Variants in STK3 observed in about 807,000 individuals in gnomAD.
STK3 encodes the protein serine/threonine-protein kinase 3.
STK3 carries 41 observed loss-of-function variants against 58.0 expected under a neutral mutation model. The ratio of observed to expected loss-of-function variants is 0.71; its 90% confidence interval spans 0.55 to 0.92. The LOEUF (loss-of-function observed/expected upper bound fraction) is 0.92. Ranked by LOEUF, STK3 falls within the 40% of genes least tolerant of loss-of-function variation. The pLI is 0.00. For missense variants in STK3, 479 were observed against 602.7 expected (o/e 0.79, Z 2.15); for synonymous variants, 170 against 191.0 (o/e 0.89, Z 0.91).
intron 1 of STK3, chr8:98,439,008 G>A (rs1288787828): frequency 6.6e-6 from 1 of 152,150 alleles, no homozygotes; most frequent in Admixed American, 6.6e-5. Flanking sequence ...CTTCCACAGA[G>A]AGGCTTTCTC....
chr8:98,697,142 C>T (rs972366877), intron 6 of STK3, among the ~76,000 whole-genome samples: 3 of 152,172 alleles, frequency 2.0e-5, no homozygotes, highest in African/African-American at 7.2e-5. Context: ...AGTTTATTTG[C>T]ATAGAGGTGT....
chr8:98,904,277 A>T (rs535041798), intron 1 of STK3, among the ~76,000 whole-genome samples: 1 of 152,240 alleles, frequency 6.6e-6, no homozygotes, highest in East Asian at 1.9e-4. Context: ...GAAGTATTCA[A>T]CTCCTAGGGA....
chr8:98,716,261 G>A (rs935203955), intron 4 of STK3, among the ~76,000 whole-genome samples: 2 of 151,994 alleles, frequency 1.3e-5, no homozygotes, highest in African/African-American at 2.4e-5. Flanking sequence ...TTGTGCACAT[G>A]TACCCTAAAA....
intron 6 of STK3, among the ~76,000 whole-genome samples, chr8:98,620,700 A>G (rs1419168225): frequency 5.9e-5 from 9 of 151,608 alleles, no homozygotes; most frequent in Non-Finnish European, 1.3e-4. Context: ...AGAAATCAAT[A>G]CAATTTAAAA....
chr8:98,455,911 T>C lies in STK3; in HGVS notation c.1407A>G (p.Arg469=). The change falls in exon 11 of 11, where the codon AGA becomes AGG. Residue 469 remains arginine (R), a synonymous_variant. Transcript: ENST00000419617. ...GAATGGGCTGTCTTTTCGCAGTGTA[T>C]CTCTGACGAAGTTCTTCTATCTCCC... ...MEREIEELRQ[R]YTAKRQPILD... The C allele has an allele frequency of 1.2e-6, 2 of 1,613,766 alleles. No homozygotes were observed. Among genetic ancestry groups the C allele is most frequent in the Non-Finnish European group, 1.7e-6 (2 of 1,179,842 alleles).
intron 1 of STK3, among the ~76,000 whole-genome samples, chr8:98,781,796 T>TA (rs75163285): frequency 0.015 from 2,169 of 142,986 alleles, 24 homozygotes; most frequent in Non-Finnish European, 0.023. Flanking sequence ...GTCAAAAAAA[T>TA]AAAAAAAAAA....
intron 9 of STK3, among the ~76,000 whole-genome samples, chr8:98,535,442 C>T (rs1230965837): frequency 6.8e-6 from 1 of 147,066 alleles, no homozygotes; most frequent in African/African-American, 2.5e-5. Flanking sequence ...GCCAGGACCA[C>T]ATTGCTTTCA....
chr8:98,905,680 C>G, intron 1 of STK3: 2 of 727,604 alleles, frequency 2.7e-6, no homozygotes, highest in Non-Finnish European at 5.1e-6. Context: ...TCCGGACAAG[C>G]ACCTCTGGGT....
chr8:98,915,840 A>G (rs1421217426), intron 1 of STK3, among the ~76,000 whole-genome samples: 1 of 152,138 alleles, frequency 6.6e-6, no homozygotes, highest in Non-Finnish European at 1.5e-5. Context: ...TTTTATGCCA[A>G]CATGGTTAGC....
intron 6 of STK3, among the ~76,000 whole-genome samples, chr8:98,706,028 C>T (rs1399091253): frequency 6.7e-6 from 1 of 149,900 alleles, no homozygotes; most frequent in Non-Finnish European, 1.5e-5. Context: ...TGCTTAATAC[C>T]ATCCTCAGAC....
intron 9 of STK3, among the ~76,000 whole-genome samples, chr8:98,545,706 C>A (rs989594024): frequency 2.0e-5 from 3 of 152,104 alleles, no homozygotes; most frequent in African/African-American, 7.2e-5. Context: ...CTTCAGTACA[C>A]ATTGTAGAGA....
chr8:98,770,529 C>T (rs2131463917), intron 2 of STK3, among the ~76,000 whole-genome samples: 1 of 152,226 alleles, frequency 6.6e-6, no homozygotes, highest in Non-Finnish European at 1.5e-5. Context: ...TTAACTGAAA[C>T]CTGGACTCAA....
chr8:98,761,790 C>G (rs1423490364), intron 3 of STK3, among the ~76,000 whole-genome samples: 1 of 152,164 alleles, frequency 6.6e-6, no homozygotes, highest in East Asian at 1.9e-4. Context: ...CATCAATAAT[C>G]CTCCAACATG....
At chr8:98,747,018 G>A (rs138049383) in intron 4 of STK3, among the ~76,000 whole-genome samples, 1 of 151,054 alleles carries the variant, frequency 6.6e-6, no homozygotes, top group Non-Finnish European at 1.5e-5. Context: ...TTCTAGCCTG[G>A]GCAAAAGAGC....
intron 6 of STK3, among the ~76,000 whole-genome samples, chr8:98,649,719 T>C (rs1044305126): frequency 6.6e-6 from 1 of 152,200 alleles, no homozygotes; most frequent in Non-Finnish European, 1.5e-5. Flanking sequence ...GAACATTATG[T>C]TACCCAATTC....
chr8:98,711,260 CA>C (rs1826407491), intron 4 of STK3, among the ~76,000 whole-genome samples: 1 of 152,094 alleles, frequency 6.6e-6, no homozygotes, highest in African/African-American at 2.4e-5. Context: ...AGCTCCTCAC[CA>C]GCAATGGAAC....
chr8:98,700,186 C>T (rs938798242), intron 6 of STK3, among the ~76,000 whole-genome samples: 2 of 152,192 alleles, frequency 1.3e-5, no homozygotes, highest in Non-Finnish European at 2.9e-5. Flanking sequence ...GGGATATAAT[C>T]TCCTGGTGAG....
chr8:98,706,703 C>A, intron 5 of STK3, 69 bp from the exon 6 acceptor site: 1 of 1,414,816 alleles, frequency 7.1e-7, no homozygotes, highest in Non-Finnish European at 9.3e-7. Flanking sequence ...GCCAAACATA[C>A]TTTTAAAAAA....
At position 98,440,461 on chromosome 8, in the gene STK3, T is replaced by C. The variant is rs1409301037; in HGVS notation, n.186-3253A>G. Among the ~76,000 whole-genome samples, 4 of 152,212 alleles carry C rather than the reference T, an allele frequency of 2.6e-5. No individual in the cohort carries two copies. In the South Asian group the frequency reaches 8.3e-4, roughly 31 times the overall value. ...CCACCATCCAATTCCAGAACCCTTT[T>C]CATCTTGCAAAACAAAAACTCTGTG... On this transcript the variant is annotated intron_variant and non_coding_transcript_variant, in intron 1 of 3. Transcript: ENST00000517832.
Sources: allele counts gnomAD v4.1 joint callset (sites outside exome capture counted in the v4.1 genomes callset), GRCh38; gene constraint gnomAD v4.1.1; transcripts MANE v1.5; gene names NCBI Gene and HGNC (gene_info 2026-07-23, HGNC 2026-07-21).